The following RAD51D variants were observed in gnomAD, a reference collection of about 807,000 sequenced individuals.
RAD51D encodes DNA repair protein RAD51 homolog 4.
A neutral mutation model predicts 44.1 loss-of-function variants in RAD51D; 38 were observed. The observed-to-expected ratio is 0.86, with a 90% CI of 0.67 to 1.13. The LOEUF (loss-of-function observed/expected upper bound fraction) is 1.13. Among genes scored for constraint, RAD51D ranks in the 50% most tolerant of loss-of-function variants. The pLI is 0.00. For synonymous variants in RAD51D, 141 were observed against 166.6 expected (o/e 0.85, Z 1.18); for missense variants, 390 against 414.0 (o/e 0.94, Z 0.50).
intron 3 of RAD51D, among the ~76,000 whole-genome samples, chr17:35,114,011 G>A (rs997664671): frequency 6.6e-5 from 10 of 152,194 alleles, no homozygotes; most frequent in Admixed American, 6.5e-4. Context: ...AGTGGCTCTC[G>A]CCTGTAATCC....
intron 3 of RAD51D, among the ~76,000 whole-genome samples, chr17:35,112,197 C>G (rs2091686362): frequency 6.6e-6 from 1 of 152,228 alleles, no homozygotes; most frequent in African/African-American, 2.4e-5. Flanking sequence ...CGTGCCTCAG[C>G]CTCCCCAGCA....
At position 35,103,194 on chromosome 17, in the gene RAD51D, G is replaced by A. The variant is rs2142417372; in HGVS notation, c.738+60C>T. ...TGGGGTTCAGAAGCTGACATTTAAG[G>A]GAAATAAAGAGCTCGCAATAACTAG... On this transcript the variant is annotated intron_variant, in intron 8 of 9. Transcript: ENST00000345365. The surrounding 1 kb of genome is among the most constrained non-coding windows in gnomAD (Gnocchi z 4.1). The A allele has an allele frequency of 6.6e-7, 1 of 1,507,070 alleles. No individual in the cohort carries two copies. Among genetic ancestry groups the A allele is most frequent in the Admixed American group, 1.9e-5 (1 of 51,388 alleles). The allele number at this position is 1,507,070 out of a possible 1,614,324, so 93.4% of individuals were successfully genotyped here. A position where few individuals can be genotyped will look rare whatever the true frequency, so the allele number is the denominator to read the frequency against.
At chr17:35,119,028 G>C (rs2091786146) in intron 2 of RAD51D, 83 bp downstream of exon 2, 1 of 1,340,638 alleles carries the variant, frequency 7.5e-7, no homozygotes, top group Non-Finnish European at 1.1e-6. Context: ...GGGATTACAG[G>C]CATGAGCCAC....
intron 9 of RAD51D, 34 bp from the exon 10 acceptor site, chr17:35,101,070 G>A: frequency 6.2e-7 from 1 of 1,606,856 alleles, no homozygotes; most frequent in Non-Finnish European, 8.5e-7. Flanking sequence ...GTGGAGTTAA[G>A]CAACCCAAGT....
chr17:35,116,552 T>C (rs971956347), intron 3 of RAD51D, among the ~76,000 whole-genome samples: 3 of 152,288 alleles, frequency 2.0e-5, no homozygotes, highest in Middle Eastern at 3.4e-3. Flanking sequence ...TGGAGTGCAG[T>C]GGTGCGATCT....
rs2091509632 is a variant in RAD51D at position 35,099,305 on chromosome 17, T to C, written c.*1648A>G. The C allele has an allele frequency of 5.9e-6, 1 of 168,244 alleles. No homozygotes were observed. Among genetic ancestry groups the C allele is most frequent in the Non-Finnish European group, 1.3e-5 (1 of 76,166 alleles). 10.4% of individuals were successfully genotyped at this position (168,244 alleles called of 1,614,324 possible). ...GGTAGTGGCCCCCTGGAGTGCTATA[T>C]TGAGAAAAACTTCTAAAAACACTTT... On this transcript the variant is annotated 3_prime_UTR_variant, in exon 10 of 10. Transcript: ENST00000345365.
At chr17:35,101,476 C>T (rs2091538156) in intron 8 of RAD51D, 111 bp from the exon 9 acceptor site, 1 of 1,230,234 alleles carries the variant, frequency 8.1e-7, no homozygotes, top group Admixed American at 1.8e-5. Flanking sequence ...GAAATAACTT[C>T]CCCAAGGTTA....
At chr17:35,112,865 G>A (rs547281588) in intron 3 of RAD51D, among the ~76,000 whole-genome samples, 1 of 152,288 alleles carries the variant, frequency 6.6e-6, no homozygotes, top group African/African-American at 2.4e-5. Flanking sequence ...GACTGGGTCC[G>A]ATCCCTGTCG....
At chr17:35,115,402 C>T in intron 3 of RAD51D, 1 of 444,640 alleles carries the variant, frequency 2.2e-6, no homozygotes. Context: ...ACGTTACATG[C>T]TATAACACCC....
In RAD51D at chr17:35,106,387, T is replaced by C. The variant is rs876660090; in HGVS notation, c.575A>G (p.Gln192Arg). ...LQELRGTVAQ[Q>R]VTGSSGTVKV... ...GGAGGGGCAGAACAGCAGGCTCACCTGCTGGGCCACAGTGCCTCGGAGCTC... is the reference window on the plus strand; with the variant it reads ...GGAGGGGCAGAACAGCAGGCTCACCCGCTGGGCCACAGTGCCTCGGAGCTC... Residue 192 changes from glutamine to arginine, a missense_variant and splice_region_variant, in exon 6 of 10, where the codon CAG (glutamine) becomes CGG (arginine). Gln to Arg is a conservative substitution (Grantham distance 43). Transcript: ENST00000345365. 1 of 1,612,864 alleles carries C rather than the reference T, an allele frequency of 6.2e-7. No individual in the cohort carries two copies. Among genetic ancestry groups the C allele is most frequent in the Non-Finnish European group, 8.5e-7 (1 of 1,179,410 alleles).
chr17:35,110,987 C>T (rs1391747659), intron 3 of RAD51D, among the ~76,000 whole-genome samples: 1 of 151,552 alleles, frequency 6.6e-6, no homozygotes, highest in Non-Finnish European at 1.5e-5. Flanking sequence ...CACCTGTAAT[C>T]CCAGCTACCC....
rs765989701 is a variant in RAD51D, at chr17:35,092,864, T to C, written c.*8089A>G. The stretch of plus-strand genomic sequence containing the variant: ...ACTCCCTAAGAAATCAATGGAAGGA[T>C]GTTTCCCAAAGAGAAGGGCCAGTAC... On this transcript the variant is annotated 3_prime_UTR_variant, in exon 10 of 10. Transcript: ENST00000345365. The C allele has an allele frequency of 1.3e-5, 2 of 152,200 alleles. No homozygotes were observed. Among genetic ancestry groups the C allele is most frequent in the Non-Finnish European group, 2.9e-5 (2 of 68,036 alleles). The allele number at this position is 152,200 out of a possible 1,614,324, so 9.4% of individuals were successfully genotyped here. A position where few individuals can be genotyped will look rare whatever the true frequency, so the allele number is the denominator to read the frequency against.
At chr17:35,111,059 C>T (rs2091669152) in intron 3 of RAD51D, among the ~76,000 whole-genome samples, 1 of 151,562 alleles carries the variant, frequency 6.6e-6, no homozygotes, top group African/African-American at 2.4e-5. Context: ...CGAGATCACG[C>T]CATTGCACTC....
At chr17:35,112,871 T>C (rs560786817) in intron 3 of RAD51D, among the ~76,000 whole-genome samples, 161 of 152,332 alleles carry the variant, frequency 1.1e-3, no homozygotes, top group African/African-American at 3.8e-3. Context: ...GTCCGATCCC[T>C]GTCGCATCCC....
chr17:35,107,096 C>T lies in RAD51D; in HGVS notation c.372G>A (p.Val124=), dbSNP rs1597862777. The T allele has an allele frequency of 6.2e-7, 1 of 1,614,040 alleles. No homozygotes were observed. The highest frequency in any genetic ancestry group is 8.5e-7 in the Non-Finnish European group (1 of 1,180,022). The change falls in exon 5 of 10, where the codon GTG becomes GTA. Residue 124 remains valine, a synonymous_variant. Coordinates refer to ENST00000345365, the MANE Select transcript of RAD51D (RefSeq NM_002878.4). ...GGACGTTTTGCTGCAGGCCATGGGC[C>T]ACATTTGCTGCCATACAGAGACATA... is the stretch of plus-strand genomic sequence containing the variant. ...TQVCLCMAAN[V]AHGLQQNVLY...
intron 3 of RAD51D, among the ~76,000 whole-genome samples, chr17:35,111,626 T>C (rs1376505444): frequency 6.6e-6 from 1 of 152,172 alleles, no homozygotes; most frequent in Non-Finnish European, 1.5e-5. Flanking sequence ...ATCTATTCTG[T>C]TCCACTGATC....
chr17:35,116,644 G>A lies in RAD51D; in HGVS notation c.263+1857C>T, dbSNP rs184510412. On this transcript the variant is annotated intron_variant, in intron 3 of 9. Transcript: ENST00000345365. ...CGAGTAGCTGGGACTACAGGCGCCC[G>A]CCACCACGCCCAGCTAATATTTTGT... 1.2e-3 allele frequency among the ~76,000 whole-genome samples: 184 copies of A among 151,018 alleles called. 1 individual carries two copies. Among genetic ancestry groups the A allele is most frequent in the Middle Eastern group, 6.8e-3 (2 of 294 alleles).
In RAD51D at chr17:35,103,817, G is replaced by A. The variant is rs1356961062; in HGVS notation, c.577-273C>T. Among the ~76,000 whole-genome samples the A allele has an allele frequency of 1.3e-5, 2 of 152,214 alleles. No individual in the cohort carries two copies. The highest frequency in any genetic ancestry group is 4.8e-5 in the African/African-American group (2 of 41,458). On this transcript the variant is annotated intron_variant, in intron 6 of 9. Transcript: ENST00000345365. The surrounding 1 kb of genome is among the most constrained non-coding windows in gnomAD (Gnocchi z 4.1). ...AAAGTGGCTGGGCGCAGTGGCTCAC[G>A]CCTGTAATCCCAGCACTTTGGGAGG... is the stretch of plus-strand genomic sequence containing the variant.
intron 3 of RAD51D, among the ~76,000 whole-genome samples, chr17:35,115,640 C>T (rs768874992): frequency 3.3e-5 from 5 of 151,996 alleles, no homozygotes; most frequent in South Asian, 2.1e-4. Flanking sequence ...AAGGCCAAGG[C>T]GGGCGGATCA....
Sources: gnomAD v4.1 joint callset for allele counts (sites outside exome capture counted in the v4.1 genomes callset) on GRCh38, gnomAD v4.1.1 for gene constraint, Gnocchi (gnomAD v3.1) non-coding constraint, MANE v1.5 for transcripts, NCBI Gene and HGNC (gene_info 2026-07-23, HGNC 2026-07-21) for gene names.